The following ERG variants were observed in gnomAD, a reference collection of about 807,000 sequenced individuals.
ERG encodes transcriptional regulator ERG.
A neutral mutation model predicts 55.3 loss-of-function variants in ERG; 9 were observed. The observed-to-expected ratio is 0.16, with a 90% CI of 0.10 to 0.28. The LOEUF is 0.28. ERG is among the 10% of genes least tolerant of loss of function. The probability of loss-of-function intolerance (pLI) is 1.00; values close to 1 mark genes in which losing one functional copy is unlikely to be tolerated. For missense variants in ERG, 434 were observed against 631.6 expected (o/e 0.69, Z 3.35); for synonymous variants, 223 against 237.3 (o/e 0.94, Z 0.55).
At chr21:38,400,510 C>CG in intron 6 of ERG, 64 bp downstream of exon 6, 1 of 1,299,966 alleles carries the variant, frequency 7.7e-7, no homozygotes, top group Non-Finnish European at 1.1e-6. Flanking sequence ...ACTTAGGGCA[C>CG]GGATCTCAGC....
intron 1 of ERG, among the ~76,000 whole-genome samples, chr21:38,642,947 G>A (rs2060434159): frequency 6.6e-6 from 1 of 152,230 alleles, no homozygotes; most frequent in Non-Finnish European, 1.5e-5. Flanking sequence ...TGCCTTCGCA[G>A]CAAGAATGGC....
intron 1 of ERG, among the ~76,000 whole-genome samples, chr21:38,633,040 C>G (rs2060366460): frequency 6.6e-6 from 1 of 152,160 alleles, no homozygotes. Flanking sequence ...GAATATTATT[C>G]AGCCTTAAAA....
chr21:38,636,271 A>G (rs1009894478), intron 1 of ERG, among the ~76,000 whole-genome samples: 1 of 152,186 alleles, frequency 6.6e-6, no homozygotes, highest in African/African-American at 2.4e-5. Flanking sequence ...TAAATTACCC[A>G]TTCTCAGTTA....
chr21:38,626,676 TTTAA>T (rs56744799), intron 1 of ERG, among the ~76,000 whole-genome samples: 23,611 of 152,172 alleles, frequency 0.16, 1,927 homozygotes, highest in East Asian at 0.29. Flanking sequence ...ATAATTAAAA[TTTAA>T]TTAATTAAAT....
chr21:38,628,317 T>C (rs1212465992), intron 1 of ERG, among the ~76,000 whole-genome samples: 1 of 152,132 alleles, frequency 6.6e-6, no homozygotes, highest in African/African-American at 2.4e-5. Flanking sequence ...GCCTATGTCA[T>C]TAGAAACAAA....
chr21:38,587,643 C>A (rs552237929), upstream of ERG, among the ~76,000 whole-genome samples: 1 of 152,110 alleles, frequency 6.6e-6, no homozygotes, highest in Non-Finnish European at 1.5e-5. Context: ...TGAGCCACGG[C>A]GCCCGGCCAA....
intron 1 of ERG, among the ~76,000 whole-genome samples, chr21:38,450,127 C>T (rs1444086551): frequency 3.3e-5 from 5 of 151,586 alleles, no homozygotes; most frequent in African/African-American, 1.2e-4. Context: ...CATGGTGGCT[C>T]ACCCCTGTAA....
At chr21:38,401,581 TG>T (rs1214412592) in intron 5 of ERG, among the ~76,000 whole-genome samples, 52 of 152,298 alleles carry the variant, frequency 3.4e-4, no homozygotes, top group African/African-American at 1.3e-3. Flanking sequence ...TAAAATAAAA[TG>T]GTAAATATTG....
chr21:38,626,474 G>A lies in ERG; in HGVS notation c.-150+35184C>T, dbSNP rs80257054. 3.6e-3 allele frequency among the ~76,000 whole-genome samples: 548 copies of A among 152,226 alleles called. 3 individuals are homozygous for A. Among genetic ancestry groups the A allele is most frequent in the Non-Finnish European group, 5.3e-3 (358 of 68,018 alleles). ...CAGTGCTCCAGTTCCTCTAAATAAG[G>A]TGCCGACCACTTCAGACACTGCAGC... On this transcript the variant is annotated intron_variant, in intron 1 of 10. Transcript: ENST00000398910.
At chr21:38,649,404 C>G (rs998140912) in intron 1 of ERG, among the ~76,000 whole-genome samples, 4 of 152,178 alleles carry the variant, frequency 2.6e-5, no homozygotes, top group African/African-American at 9.7e-5. Context: ...AGCCACATGG[C>G]CAGTCAAACG....
intron 9 of ERG, among the ~76,000 whole-genome samples, chr21:38,390,616 G>C (rs1033848094): frequency 6.6e-6 from 1 of 152,158 alleles, no homozygotes; most frequent in African/African-American, 2.4e-5. Flanking sequence ...AAGCCAGGGA[G>C]AGCCCCCAGG....
upstream of ERG, chr21:38,585,021 C>T (rs908162202): frequency 1.3e-5 from 2 of 151,868 alleles, no homozygotes; most frequent in African/African-American, 4.8e-5. Flanking sequence ...GTACATGTAC[C>T]GACAAAACCT....
chr21:38,388,913 G>A (rs1398069155), intron 9 of ERG, among the ~76,000 whole-genome samples: 4 of 152,154 alleles, frequency 2.6e-5, no homozygotes, highest in Non-Finnish European at 2.9e-5. Flanking sequence ...AGTGACTCAG[G>A]CCCTATTCTA....
chr21:38,515,685 AT>A (rs927187386), intron 2 of ERG, among the ~76,000 whole-genome samples: 3 of 151,964 alleles, frequency 2.0e-5, no homozygotes, highest in African/African-American at 7.2e-5. Flanking sequence ...ACAGGCCAAT[AT>A]TTCTGGTGAA....
chr21:38,527,569 G>C (rs1488106650), intron 2 of ERG, among the ~76,000 whole-genome samples: 1 of 152,218 alleles, frequency 6.6e-6, no homozygotes, highest in Non-Finnish European at 1.5e-5. Context: ...GGAAGGGTCT[G>C]AAGAGGAGGC....
intron 1 of ERG, among the ~76,000 whole-genome samples, chr21:38,601,982 A>G (rs897746845): frequency 6.6e-6 from 1 of 152,118 alleles, no homozygotes; most frequent in South Asian, 2.1e-4. Context: ...CCCAGATTCA[A>G]GCAATCCTTA....
chr21:38,598,156 C>A (rs1032454644), intron 1 of ERG, among the ~76,000 whole-genome samples: 1 of 152,266 alleles, frequency 6.6e-6, no homozygotes, highest in African/African-American at 2.4e-5. Context: ...GGAGGGCTTC[C>A]CTCTAAAAAC....
At chr21:38,579,262 G>A (rs531700791) in intron 1 of ERG, among the ~76,000 whole-genome samples, 20 of 152,178 alleles carry the variant, frequency 1.3e-4, no homozygotes, top group Non-Finnish European at 2.2e-4. Flanking sequence ...AACTAAATGA[G>A]CAACTGTTTG....
chr21:38,429,097 T>C (rs1271265020), intron 2 of ERG, among the ~76,000 whole-genome samples: 3 of 152,154 alleles, frequency 2.0e-5, no homozygotes, highest in Admixed American at 6.5e-5. Context: ...TTTTGTGTCC[T>C]CATAGCTTAG....
Sources: gnomAD v4.1 joint callset for allele counts (sites outside exome capture counted in the v4.1 genomes callset) on GRCh38, gnomAD v4.1.1 for gene constraint, MANE v1.5 for transcripts, NCBI Gene and HGNC (gene_info 2026-07-23, HGNC 2026-07-21) for gene names.